Variants in TTC4 observed in about 807,000 individuals in gnomAD.
TTC4 encodes tetratricopeptide repeat domain 4, also known as hsp70/Hsp90 co-chaperone CNS1 homolog.
Under a neutral mutation model 51.9 loss-of-function variants are expected in TTC4, and 36 were observed. The observed-to-expected ratio is 0.69, with a 90% CI of 0.53 to 0.92. TTC4 has a LOEUF of 0.92. TTC4 is among the 40% of genes least tolerant of loss of function. The pLI, the probability that TTC4 is intolerant of heterozygous loss-of-function variation, is 0.00. For synonymous variants in TTC4, 144 were observed against 164.2 expected, an observed-to-expected ratio of 0.88 and a Z score of 0.94; for missense variants, 399 against 454.6, an observed-to-expected ratio of 0.88 and a Z score of 1.11.
At chr1:54,719,411 C>T (rs1330854747) in intron 3 of TTC4, among the ~76,000 whole-genome samples, 1 of 148,836 alleles carries the variant, frequency 6.7e-6, no homozygotes, top group Non-Finnish European at 1.5e-5. Context: ...CCTTTGTTTT[C>T]CAGCTTTCAC....
At chr1:54,728,029 C>G (rs981367510) in intron 5 of TTC4, among the ~76,000 whole-genome samples, 4 of 152,162 alleles carry the variant, frequency 2.6e-5, no homozygotes, top group Non-Finnish European at 2.9e-5. Context: ...TTTCGTAGCA[C>G]TCGGATCACA....
intron 4 of TTC4, among the ~76,000 whole-genome samples, chr1:54,721,939 C>T (rs1172187684): frequency 6.6e-6 from 1 of 152,146 alleles, no homozygotes; most frequent in Non-Finnish European, 1.5e-5. Flanking sequence ...GTGTGTAATC[C>T]TTGATTCAGT....
intron 8 of TTC4, among the ~76,000 whole-genome samples, chr1:54,736,241 AGAGAGGAGAGAGGAGAGAGAGAGAGAG>A (rs1645938707): frequency 8.3e-6 from 1 of 121,046 alleles, no homozygotes. Context: ...AGGAGAGAGA[AGAGAGGAGAGAGGAGAGAGAGAGAGAG>A]AGACCATGAA....
chr1:54,735,531 A>G (rs1460197554), intron 8 of TTC4, among the ~76,000 whole-genome samples: 1 of 152,140 alleles, frequency 6.6e-6, no homozygotes, highest in Non-Finnish European at 1.5e-5. Flanking sequence ...TGGATTATGC[A>G]TATTTGGCTG....
chr1:54,722,129 ATTT>A (rs11443027), intron 4 of TTC4, among the ~76,000 whole-genome samples: 17 of 147,054 alleles, frequency 1.2e-4, no homozygotes, highest in African/African-American at 2.0e-4. Context: ...ATAACATGAA[ATTT>A]TTTTTTTTTT....
At chr1:54,722,927 C>G in intron 5 of TTC4, 128 bp downstream of exon 5, 1 of 1,233,152 alleles carries the variant, frequency 8.1e-7, no homozygotes, top group South Asian at 1.5e-5. Context: ...ACTCCTGGAA[C>G]TCTGTGGAGC....
intron 8 of TTC4, among the ~76,000 whole-genome samples, chr1:54,736,197 A>AGC (rs34682471): frequency 8.2e-5 from 11 of 134,022 alleles, no homozygotes; most frequent in Non-Finnish European, 1.4e-4. Flanking sequence ...AGAGAGAGAG[A>AGC]GAGAGAGAGA....
chr1:54,733,744 T>C, intron 8 of TTC4, 34 bp downstream of exon 8: 2 of 1,220,236 alleles, frequency 1.6e-6, no homozygotes, highest in Non-Finnish European at 2.2e-6. Context: ...CTCTATGGAA[T>C]TAATTTTTTT....
intron 3 of TTC4, among the ~76,000 whole-genome samples, chr1:54,720,550 A>G (rs372018342): frequency 1.3e-5 from 2 of 151,746 alleles, no homozygotes; most frequent in African/African-American, 4.9e-5. Context: ...CACTTAAAAC[A>G]ATATAGAACA....
chr1:54,728,668 T>C lies in TTC4; in HGVS notation c.681+236T>C, dbSNP rs1267791507. Reference sequence around the variant, plus strand: ...ACATATACAGTTGTCTCCACTTACCTGAAGCAGATGTATTCCAGGATCCAC... The same window carrying C: ...ACATATACAGTTGTCTCCACTTACCCGAAGCAGATGTATTCCAGGATCCAC... On this transcript the variant is annotated intron_variant, in intron 6 of 9. Coordinates refer to ENST00000371281, the MANE Select transcript of TTC4 (RefSeq NM_004623.5). Among the ~76,000 whole-genome samples, 3 of 152,206 alleles carry C rather than the reference T, an allele frequency of 2.0e-5. No homozygotes were observed. The East Asian group carries it at 5.8e-4, about 29-fold the overall frequency.
chr1:54,719,443 A>G (rs80232125), intron 3 of TTC4, among the ~76,000 whole-genome samples: 297 of 137,022 alleles, frequency 2.2e-3, no homozygotes, highest in South Asian at 4.3e-3. Context: ...TGTTCTTCTC[A>G]TTTTCTTTGT....
intron 2 of TTC4, 129 bp downstream of exon 2, chr1:54,716,846 A>G: frequency 1.4e-6 from 1 of 730,588 alleles, no homozygotes; most frequent in Non-Finnish European, 2.2e-6. Flanking sequence ...ATTCCAATAT[A>G]CTTCTTTTTG....
At chr1:54,726,190 AAGAAG>A (rs1222293185) in intron 5 of TTC4, among the ~76,000 whole-genome samples, 1 of 152,218 alleles carries the variant, frequency 6.6e-6, no homozygotes, top group Non-Finnish European at 1.5e-5. Flanking sequence ...TTGAAAAACA[AAGAAG>A]AGAACCTTAA....
intron 4 of TTC4, among the ~76,000 whole-genome samples, 182 bp downstream of exon 4, chr1:54,721,422 G>A (rs1284139415): frequency 6.6e-6 from 1 of 152,098 alleles, no homozygotes; most frequent in South Asian, 2.1e-4. Flanking sequence ...ATAATAATTT[G>A]TAGAGAACTA....
chr1:54,723,986 A>G (rs1645772878), intron 5 of TTC4, among the ~76,000 whole-genome samples: 1 of 152,012 alleles, frequency 6.6e-6, no homozygotes, highest in East Asian at 1.9e-4. Context: ...GTAATTGGGT[A>G]TGGCCAGAAT....
intron 7 of TTC4, among the ~76,000 whole-genome samples, chr1:54,732,163 C>T (rs1645873351): frequency 6.6e-6 from 1 of 151,680 alleles, no homozygotes; most frequent in Admixed American, 6.6e-5. Context: ...GAAACCCAGT[C>T]TCTACTAAAA....
At chr1:54,734,102 C>T (rs1436080594) in intron 8 of TTC4, among the ~76,000 whole-genome samples, 5 of 152,082 alleles carry the variant, frequency 3.3e-5, no homozygotes, top group African/African-American at 4.8e-5. Flanking sequence ...GACGGAGTCT[C>T]GCTGTTTCAC....
rs1646022033 is a variant in TTC4 at position 54,742,387 on chromosome 1, G to C, written c.*874G>C. 1 of 152,346 alleles carries C rather than the reference G, an allele frequency of 6.6e-6. No homozygotes were observed. The highest frequency in any genetic ancestry group is 1.5e-5 in the Non-Finnish European group (1 of 68,156). 9.4% of individuals were successfully genotyped at this position (152,346 alleles called of 1,614,324 possible). On this transcript the variant is annotated 3_prime_UTR_variant, in exon 10 of 10. Coordinates refer to ENST00000371281, the MANE Select transcript of TTC4 (RefSeq NM_004623.5). Reference sequence around the variant, plus strand: ...GTACTTCCCTGCTCCCAATGCAGAGGGATATGCACAGGCATGAGCTGTCCT... The same window carrying C: ...GTACTTCCCTGCTCCCAATGCAGAGCGATATGCACAGGCATGAGCTGTCCT...
chr1:54,719,875 A>G (rs1306933981), intron 3 of TTC4, among the ~76,000 whole-genome samples: 2 of 151,722 alleles, frequency 1.3e-5, no homozygotes. Context: ...TTGGCTTGCC[A>G]TGAACTAAAA....
Sources: allele counts gnomAD v4.1 joint callset (sites outside exome capture counted in the v4.1 genomes callset), GRCh38; gene constraint gnomAD v4.1.1; transcripts MANE v1.5; gene names NCBI Gene and HGNC (gene_info 2026-07-23, HGNC 2026-07-21).